ACOXL: variants seen among roughly 807,000 people sequenced by gnomAD.
ACOXL encodes acyl-CoA oxidase like.
A neutral mutation model predicts 71.9 loss-of-function variants in ACOXL; 70 were observed. That is an observed-to-expected ratio of 0.97 (90% CI 0.80 to 1.19). The LOEUF is 1.19. Among genes scored for constraint, ACOXL ranks in the 50% most tolerant of loss-of-function variants. The pLI, the probability that ACOXL is intolerant of heterozygous loss-of-function variation, is 0.00. For synonymous variants in ACOXL, 253 were observed against 281.6 expected (o/e 0.90, Z 1.02); for missense variants, 703 against 736.3 (o/e 0.95, Z 0.52).
At chr2:110,865,364 A>G (rs1694453664) in intron 10 of ACOXL, among the ~76,000 whole-genome samples, 1 of 152,192 alleles carries the variant, frequency 6.6e-6, no homozygotes, top group Non-Finnish European at 1.5e-5. Flanking sequence ...CTGCCTCTCA[A>G]ACCCTTTCGT....
At chr2:111,025,975 A>T (rs2065001080) in intron 14 of ACOXL, among the ~76,000 whole-genome samples, 1 of 152,020 alleles carries the variant, frequency 6.6e-6, no homozygotes, top group Non-Finnish European at 1.5e-5. Context: ...TTGTTTTTTC[A>T]TGTGGATGTT....
At chr2:111,102,432 A>G (rs902722266) in intron 17 of ACOXL, among the ~76,000 whole-genome samples, 4 of 152,206 alleles carry the variant, frequency 2.6e-5, no homozygotes, top group African/African-American at 9.7e-5. Flanking sequence ...AGGGTAACTA[A>G]TAAGCACAAG....
chr2:111,096,252 A>G (rs1037874654), intron 17 of ACOXL, among the ~76,000 whole-genome samples: 7 of 140,328 alleles, frequency 5.0e-5, no homozygotes, highest in African/African-American at 1.8e-4. Flanking sequence ...TATTATTATT[A>G]TTGAGACAGA....
chr2:111,118,376 G>A lies in ACOXL; in HGVS notation c.*560G>A, dbSNP rs2070491836. Among the ~76,000 whole-genome samples, 1 of 152,236 alleles carries A rather than the reference G, an allele frequency of 6.6e-6. No individual in the cohort carries two copies. Among genetic ancestry groups the A allele is most frequent in the Admixed American group, 6.5e-5 (1 of 15,288 alleles). ...AACGCACGGACTGGGAGAAGGAAGT[G>A]GGAGCCTAGAGTTTTGCTCTCGGCA... On this transcript the variant is annotated 3_prime_UTR_variant, in exon 18 of 18. Coordinates refer to ENST00000439055, the MANE Select transcript of ACOXL (RefSeq NM_001142807.4).
intron 10 of ACOXL, among the ~76,000 whole-genome samples, chr2:110,896,324 C>G (rs1574030444): frequency 6.6e-6 from 1 of 151,946 alleles, no homozygotes; most frequent in Non-Finnish European, 1.5e-5. Flanking sequence ...AAAAATAAAA[C>G]AGAAATGAAA....
intron 2 of ACOXL, among the ~76,000 whole-genome samples, chr2:110,780,481 G>T (rs1304376427): frequency 6.6e-6 from 1 of 152,134 alleles, no homozygotes; most frequent in Non-Finnish European, 1.5e-5. Context: ...CCCCAAAAAG[G>T]TTTGTACACA....
intron 10 of ACOXL, among the ~76,000 whole-genome samples, chr2:110,881,891 G>GTT (rs112502730): frequency 0.33 from 48,581 of 149,284 alleles, 7,935 homozygotes; most frequent in Middle Eastern, 0.4. Flanking sequence ...GGGACATTGG[G>GTT]TTTTTTTTTT....
chr2:110,844,948 C>T (rs771125045), intron 10 of ACOXL, among the ~76,000 whole-genome samples: 2 of 152,134 alleles, frequency 1.3e-5, no homozygotes, highest in Non-Finnish European at 2.9e-5. Context: ...GTTGAGTTCC[C>T]TCTTTAAAAA....
intron 12 of ACOXL, among the ~76,000 whole-genome samples, chr2:110,937,798 A>G (rs1198677401): frequency 1.3e-5 from 2 of 152,318 alleles, no homozygotes; most frequent in African/African-American, 2.4e-5. Context: ...AATCCTGGGC[A>G]TGATTTTGGG....
intron 2 of ACOXL, among the ~76,000 whole-genome samples, chr2:110,775,305 C>T (rs958411810): frequency 6.6e-6 from 1 of 152,052 alleles, no homozygotes; most frequent in Non-Finnish European, 1.5e-5. Flanking sequence ...TTTTGAAAAA[C>T]GTAGATACAT....
At chr2:110,779,500 A>C (rs559789280) in intron 2 of ACOXL, among the ~76,000 whole-genome samples, 1 of 152,356 alleles carries the variant, frequency 6.6e-6, no homozygotes, top group South Asian at 2.1e-4. Flanking sequence ...ATGGAAATGC[A>C]AAAGACCTAG....
intron 15 of ACOXL, among the ~76,000 whole-genome samples, chr2:111,045,177 G>C (rs987141491): frequency 6.6e-6 from 1 of 152,204 alleles, no homozygotes; most frequent in African/African-American, 2.4e-5. Context: ...TTTGCATTTT[G>C]TTGGCACTAG....
At chr2:110,992,868 C>T (rs765076646) in intron 13 of ACOXL, among the ~76,000 whole-genome samples, 2 of 152,210 alleles carry the variant, frequency 1.3e-5, no homozygotes, top group Non-Finnish European at 2.9e-5. Context: ...TTTTGCCTTG[C>T]ACCCAACGTG....
At chr2:111,022,795 G>A (rs2064831545) in intron 14 of ACOXL, among the ~76,000 whole-genome samples, 1 of 152,160 alleles carries the variant, frequency 6.6e-6, no homozygotes, top group Admixed American at 6.5e-5. Flanking sequence ...TGTTGGAGGT[G>A]ACCACGCTGG....
intron 17 of ACOXL, 119 bp from the exon 18 acceptor site, chr2:111,117,497 G>A (rs1479217072): frequency 1.0e-5 from 11 of 1,063,886 alleles, no homozygotes; most frequent in Admixed American, 4.1e-5. Context: ...AGAATCCAAA[G>A]GGAAACTAGT....
chr2:111,101,893 A>G (rs950055921), intron 17 of ACOXL: 2 of 152,646 alleles, frequency 1.3e-5, no homozygotes, highest in Admixed American at 6.5e-5. Flanking sequence ...TGGAGTGATC[A>G]TACCGGAAAT....
At chr2:110,903,071 A>G (rs148364588) in intron 10 of ACOXL, among the ~76,000 whole-genome samples, 1 of 152,346 alleles carries the variant, frequency 6.6e-6, no homozygotes, top group African/African-American at 2.4e-5. Flanking sequence ...TTGCACCCTA[A>G]GAAGTCTCAG....
intron 1 of ACOXL, among the ~76,000 whole-genome samples, chr2:110,767,315 C>T (rs546625412): frequency 1.3e-5 from 2 of 152,124 alleles, no homozygotes; most frequent in African/African-American, 2.4e-5. Flanking sequence ...GGAGAAAACA[C>T]CTGAGAAGCG....
chr2:110,783,954 G>A (rs1426843226), intron 2 of ACOXL, among the ~76,000 whole-genome samples: 53 of 152,192 alleles, frequency 3.5e-4, no homozygotes, highest in Admixed American at 3.4e-3. Flanking sequence ...GAGTGTGTTC[G>A]TATAGCCTTG....
Sources: allele counts gnomAD v4.1 joint callset (sites outside exome capture counted in the v4.1 genomes callset), GRCh38; gene constraint gnomAD v4.1.1; transcripts MANE v1.5; gene names NCBI Gene and HGNC (gene_info 2026-07-23, HGNC 2026-07-21).